Variants in WARS2 observed in about 807,000 individuals in gnomAD.
WARS2 encodes tryptophanyl tRNA synthetase 2, mitochondrial.
Under a neutral mutation model 36.5 loss-of-function variants are expected in WARS2, and 28 were observed. The observed-to-expected ratio is 0.77, with a 90% CI of 0.57 to 1.05. WARS2 has a LOEUF of 1.05. Ranked by LOEUF, WARS2 falls within the 50% of genes least tolerant of loss-of-function variation. The pLI, the probability that WARS2 is intolerant of heterozygous loss-of-function variation, is 0.00. For synonymous variants in WARS2, 174 were observed against 178.4 expected (o/e 0.98, Z 0.20); for missense variants, 435 against 456.8 (o/e 0.95, Z 0.44).
At chr1:119,074,157 C>T (rs1455400697) in intron 2 of WARS2, among the ~76,000 whole-genome samples, 1 of 152,184 alleles carries the variant, frequency 6.6e-6, no homozygotes, top group Admixed American at 6.5e-5. Context: ...CAAAAAGTGG[C>T]TCTAATGATG....
intron 1 of WARS2, among the ~76,000 whole-genome samples, chr1:119,103,137 T>C (rs949259858): frequency 2.0e-5 from 3 of 152,252 alleles, no homozygotes; most frequent in African/African-American, 7.2e-5. Context: ...GCTCATCGAA[T>C]TGACCAGATT....
In WARS2 at chr1:119,037,147, C is replaced by CT. The variant is rs369781396; in HGVS notation, c.516-2935dup. Among the ~76,000 whole-genome samples the CT allele has an allele frequency of 5.3e-5, 8 of 151,782 alleles. 1 individual carries two copies. In the South Asian group the frequency reaches 1.2e-3, roughly 24 times the overall value. Reference sequence around the variant, plus strand: ...GTGTCTTCTCTTTTTTTCTGTTTTCCTTTTTTTTAAGTTACTCTGACTGTG... The same window carrying CT: ...GTGTCTTCTCTTTTTTTCTGTTTTCCTTTTTTTTTAAGTTACTCTGACTGTG... On this transcript the variant is annotated intron_variant, in intron 4 of 5. Coordinates refer to ENST00000235521, the MANE Select transcript of WARS2 (RefSeq NM_015836.4).
chr1:119,086,900 A>T (rs748402792), intron 1 of WARS2, among the ~76,000 whole-genome samples: 13 of 152,076 alleles, frequency 8.5e-5, no homozygotes, highest in Non-Finnish European at 1.8e-4. Context: ...TCCTCTCTGC[A>T]TTCACACTCT....
At chr1:119,057,109 T>C (rs1253921374) in intron 2 of WARS2, among the ~76,000 whole-genome samples, 2 of 152,266 alleles carry the variant, frequency 1.3e-5, no homozygotes, top group African/African-American at 2.4e-5. Context: ...CTGACGACTA[T>C]GATGTTGAAC....
chr1:119,079,456 A>C (rs754292086), intron 1 of WARS2, among the ~76,000 whole-genome samples: 3 of 152,118 alleles, frequency 2.0e-5, no homozygotes, highest in Admixed American at 6.5e-5. Context: ...ATCAGATTAG[A>C]AGCTGCAATT....
chr1:119,076,842 A>G lies in WARS2; in HGVS notation c.91-235T>C, dbSNP rs587687832. ...CAAACATGGACAAATGCAAAGACATATAAGAAAAGATCTGCAGCCGGGCGT... is the reference window on the plus strand; with the variant it reads ...CAAACATGGACAAATGCAAAGACATGTAAGAAAAGATCTGCAGCCGGGCGT... On this transcript the variant is annotated intron_variant, in intron 1 of 5. Coordinates refer to ENST00000235521, the MANE Select transcript of WARS2 (RefSeq NM_015836.4). Among the ~76,000 whole-genome samples the G allele has an allele frequency of 9.8e-5, 15 of 152,290 alleles. No individual in the cohort carries two copies. The South Asian group carries it at 2.9e-3, about 29-fold the overall frequency.
rs756706541 is a variant in WARS2, at chr1:119,033,022, C to T, written c.972G>A (p.Leu324=). The T allele has an allele frequency of 1.9e-6, 3 of 1,614,124 alleles. No individual in the cohort carries two copies. In the African/African-American group the frequency reaches 4.0e-5, roughly 22 times the overall value. ...TCTCTAAATGGTCCTTGTCCAGCTT[C>T]AGTTTTTCAATTTCACGCTTAATTG... ...FAPIKREIEK[L]KLDKDHLEKV... The change falls in exon 6 of 6, where the codon CTG becomes CTA. Residue 324 remains leucine (L), a synonymous_variant. Coordinates refer to ENST00000235521, the MANE Select transcript of WARS2 (RefSeq NM_015836.4).
chr1:119,078,769 G>C (rs1571326636), intron 1 of WARS2, among the ~76,000 whole-genome samples: 1 of 152,156 alleles, frequency 6.6e-6, no homozygotes, highest in South Asian at 2.1e-4. Context: ...TTGTATGGCT[G>C]TCTTCTATTT....
At chr1:119,038,499 G>A (rs544089265) in intron 4 of WARS2, among the ~76,000 whole-genome samples, 16 of 152,160 alleles carry the variant, frequency 1.1e-4, no homozygotes, top group Non-Finnish European at 2.4e-4. Context: ...AATGGCAGTA[G>A]CCTGATTCTT....
At chr1:119,097,778 C>G (rs12033970) in intron 1 of WARS2, among the ~76,000 whole-genome samples, 70,436 of 152,006 alleles carry the variant, frequency 0.46, 17,742 homozygotes, top group African/African-American at 0.67. Flanking sequence ...ATATGCATGT[C>G]AATGAAGTAG....
intron 3 of WARS2, among the ~76,000 whole-genome samples, chr1:119,042,799 G>T (rs1242846756): frequency 6.6e-6 from 1 of 151,958 alleles, no homozygotes; most frequent in East Asian, 1.9e-4. Context: ...TGAGAAAACT[G>T]GAATGTTCCC....
chr1:119,129,260 G>A (rs929473439), intron 1 of WARS2, among the ~76,000 whole-genome samples: 1 of 152,190 alleles, frequency 6.6e-6, no homozygotes, highest in Non-Finnish European at 1.5e-5. Context: ...GCCCTCACCA[G>A]ACGTGGATGT....
At chr1:119,049,311 C>G (rs949328980) in intron 2 of WARS2, among the ~76,000 whole-genome samples, 1 of 152,164 alleles carries the variant, frequency 6.6e-6, no homozygotes, top group Admixed American at 6.5e-5. Context: ...CTGGCTCCCC[C>G]ATCTGCTGTT....
At chr1:119,122,157 AAT>A (rs1254073699) in intron 1 of WARS2, among the ~76,000 whole-genome samples, 1 of 152,242 alleles carries the variant, frequency 6.6e-6, no homozygotes, top group East Asian at 1.9e-4. Flanking sequence ...ACAAAGGACT[AAT>A]ATCCAGAATC....
chr1:119,082,375 T>C (rs763392190), intron 1 of WARS2: 53 of 985,418 alleles, frequency 5.4e-5, no homozygotes, highest in Non-Finnish European at 6.1e-5. Flanking sequence ...CTTTTGCACA[T>C]GTATTTTCCT....
At chr1:119,103,597 T>C (rs970663894) in intron 1 of WARS2, among the ~76,000 whole-genome samples, 4 of 152,008 alleles carry the variant, frequency 2.6e-5, no homozygotes, top group Admixed American at 6.6e-5. Flanking sequence ...CAGGCCATAA[T>C]GTCATCTTTT....
chr1:119,085,753 T>A (rs1247135585), intron 1 of WARS2: 3 of 1,578,386 alleles, frequency 1.9e-6, no homozygotes, highest in Non-Finnish European at 2.6e-6. Flanking sequence ...TTGTCCCACA[T>A]GAGATTAATG....
chr1:119,045,289 T>C (rs1648700108), intron 3 of WARS2, among the ~76,000 whole-genome samples: 1 of 152,232 alleles, frequency 6.6e-6, no homozygotes. Context: ...CAATCTGTGA[T>C]TGTTTATTAA....
At chr1:119,103,807 T>C (rs1654041531) in intron 1 of WARS2, among the ~76,000 whole-genome samples, 3 of 152,032 alleles carry the variant, frequency 2.0e-5, no homozygotes, top group Admixed American at 6.5e-5. Context: ...AATTTACATA[T>C]GTTAGGGCAC....
Sources: gnomAD v4.1 joint callset for allele counts (sites outside exome capture counted in the v4.1 genomes callset) on GRCh38, gnomAD v4.1.1 for gene constraint, MANE v1.5 for transcripts, NCBI Gene and HGNC (gene_info 2026-07-23, HGNC 2026-07-21) for gene names.